Variants in NME8 observed in about 807,000 individuals in gnomAD.
NME8 encodes NME/NM23 family member 8.
NME8 carries 72 observed loss-of-function variants against 82.3 expected under a neutral mutation model. That is an observed-to-expected ratio of 0.87 (90% CI 0.72 to 1.06). The LOEUF is 1.06. Among genes scored for constraint, NME8 ranks in the 50% least tolerant of loss-of-function variants. The pLI is 0.00. For missense variants in NME8, 712 were observed against 685.4 expected (o/e 1.04, Z -0.43); for synonymous variants, 267 against 228.5 (o/e 1.17, Z -1.52).
chr7:37,863,055 G>A (rs1461673773), intron 7 of NME8, among the ~76,000 whole-genome samples: 5 of 152,082 alleles, frequency 3.3e-5, no homozygotes, highest in Non-Finnish European at 7.4e-5. Context: ...AGGAGGCAGA[G>A]ATTGCAGTGA....
chr7:37,888,337 A>G lies in NME8; in HGVS notation c.1308A>G (p.Ser436=), dbSNP rs768675977. The G allele has an allele frequency of 5.0e-6, 8 of 1,613,496 alleles. No individual in the cohort carries two copies. Among genetic ancestry groups the G allele is most frequent in the Non-Finnish European group, 5.9e-6 (7 of 1,179,522 alleles). The change falls in exon 15 of 18, where the codon TCA becomes TCG. Residue 436 remains serine, a synonymous_variant. Transcript: ENST00000199447. The part of the protein sequence containing the change: ...LPVNQLYGSD[S]LETAEREIQH... The stretch of plus-strand genomic sequence containing the variant: ...TCAACCAGTTGTATGGCAGCGATTC[A>G]TTAGAAACCGCTGAAAGGGAAATAC...
Position 37,863,462 on chromosome 7 carries a change from CG to C in NME8, c.454+1del. On this transcript the variant is annotated splice_donor_variant, in intron 8 of 17. Coordinates refer to ENST00000199447, the MANE Select transcript of NME8 (RefSeq NM_016616.5). LOFTEE classifies it high-confidence loss of function. ...TGAAGAATCACCATGTGAAAGTGTT[CG>C]TAAGTAAATTTACTTCAAAGTAATC... The C allele has an allele frequency of 1.3e-6, 2 of 1,581,226 alleles. No homozygotes were observed. The highest frequency in any genetic ancestry group is 2.2e-5 in the East Asian group (1 of 44,702).
intron 2 of NME8, among the ~76,000 whole-genome samples, chr7:37,849,916 G>T (rs1784414314): frequency 6.7e-6 from 1 of 150,184 alleles, no homozygotes; most frequent in Non-Finnish European, 1.5e-5. Context: ...CCTAGTATTT[G>T]CTAGCACAAA....
chr7:37,854,036 A>G (rs1378018378), intron 5 of NME8, among the ~76,000 whole-genome samples: 4 of 151,550 alleles, frequency 2.6e-5, no homozygotes, highest in Admixed American at 6.6e-5. Flanking sequence ...CCAATGCTGG[A>G]GTTAGGGGTG....
Position 37,892,737 on chromosome 7 carries a change from T to TTTCACATC in NME8, c.1400-1727_1400-1720dup, listed in dbSNP as rs1583645652. 2.0e-5 allele frequency among the ~76,000 whole-genome samples: 3 copies of TTTCACATC among 152,078 alleles called. No homozygotes were observed. In the East Asian group the frequency reaches 5.8e-4, roughly 29 times the overall value. ...TTGTCTTTCGTGAGTGCAGCTTTTA[T>TTTCACATC]TTCACATCTACTTATTGCTTGGCCA... On this transcript the variant is annotated intron_variant, in intron 15 of 17. Coordinates refer to ENST00000199447, the MANE Select transcript of NME8 (RefSeq NM_016616.5).
intron 5 of NME8, among the ~76,000 whole-genome samples, chr7:37,855,529 G>GT (rs35178540): frequency 0.92 from 139,390 of 152,094 alleles, 64,147 homozygotes; most frequent in Middle Eastern, 0.95. Flanking sequence ...CAAATCCCAA[G>GT]TTAGGGCACT....
chr7:37,874,345 G>A (rs1201794366), intron 11 of NME8, among the ~76,000 whole-genome samples: 1 of 152,058 alleles, frequency 6.6e-6, no homozygotes, highest in Non-Finnish European at 1.5e-5. Flanking sequence ...GGGTGTATGT[G>A]GCAAAATGGT....
rs772770591 is a variant in NME8 at position 37,884,379 on chromosome 7, A to G, written c.1071A>G (p.Glu357=). The G allele has an allele frequency of 6.2e-7, 1 of 1,606,802 alleles. No individual in the cohort carries two copies. The highest frequency in any genetic ancestry group is 2.2e-5 in the East Asian group (1 of 44,804). ...EQRQVVLSEK[E]AQALCKEYEN... ...GACAAGTAGTATTATCGGAAAAAGA[A>G]GCACAAGCACTGTGCAAGGAATATG... Residue 357 remains glutamate (E), a synonymous_variant, in exon 13 of 18, where the codon GAA becomes GAG. Transcript: ENST00000199447.
intron 15 of NME8, among the ~76,000 whole-genome samples, chr7:37,893,722 T>C (rs373553341): frequency 5.5e-4 from 84 of 152,290 alleles, no homozygotes; most frequent in African/African-American, 1.7e-3. Context: ...ATGATCACTT[T>C]CTCATGATAT....
At chr7:37,851,769 C>T (rs554052231) in intron 5 of NME8, among the ~76,000 whole-genome samples, 17 of 151,978 alleles carry the variant, frequency 1.1e-4, no homozygotes, top group Admixed American at 2.6e-4. Flanking sequence ...ACTTAAGATA[C>T]AGGAGCAGAT....
chr7:37,858,507 A>G (rs1395298334), intron 6 of NME8, among the ~76,000 whole-genome samples: 1 of 151,970 alleles, frequency 6.6e-6, no homozygotes, highest in East Asian at 1.9e-4. Context: ...AGGGCCAGGG[A>G]GTGAATAATT....
In NME8 at chr7:37,850,733, G is replaced by A. The variant is rs769884433; in HGVS notation, c.196G>A (p.Val66Ile). 2.5e-6 allele frequency: 4 copies of A among 1,606,488 alleles called. No homozygotes were observed. The highest frequency in any genetic ancestry group is 3.4e-6 in the Non-Finnish European group (4 of 1,173,516). The change falls in exon 5 of 18, where the codon GTC becomes ATC. Residue 66 changes from valine (V) to isoleucine (I), a missense_variant and splice_region_variant. Physicochemically the swap from Val to Ile is conservative, Grantham distance 29. Coordinates refer to ENST00000199447, the MANE Select transcript of NME8 (RefSeq NM_016616.5). ...CGAAGACGAAATTCTGCATTTTGCT[G>A]TCGTAAGAATTTTGTTTTCATTAAA... is the stretch of plus-strand genomic sequence containing the variant. ...LNEDEILHFA[V>I]AEADNIVTLQ... is the part of the protein sequence containing the mutation.
intron 5 of NME8, 31 bp from the exon 6 acceptor site, chr7:37,857,243 T>A: frequency 6.6e-7 from 1 of 1,506,770 alleles, no homozygotes; most frequent in South Asian, 1.1e-5. Context: ...TAGTTTTATT[T>A]ATTATTATAT....
chr7:37,861,134 T>A (rs62459332), intron 6 of NME8, among the ~76,000 whole-genome samples: 91,634 of 152,004 alleles, frequency 0.6, 28,607 homozygotes, highest in Non-Finnish European at 0.7. Flanking sequence ...ACAAACAATT[T>A]TAATCATGGT....
chr7:37,876,229 T>TATAG (rs56873287), intron 11 of NME8, among the ~76,000 whole-genome samples: 5,565 of 146,154 alleles, frequency 0.038, 137 homozygotes, highest in African/African-American at 0.069. Flanking sequence ...TATATATATA[T>TATAG]ATAGATAGAT....
At chr7:37,876,056 A>C (rs1317176992) in intron 11 of NME8, among the ~76,000 whole-genome samples, 1 of 151,708 alleles carries the variant, frequency 6.6e-6, no homozygotes, top group Non-Finnish European at 1.5e-5. Context: ...AATACAAAAA[A>C]AATATTAGCT....
chr7:37,857,923 A>G (rs2131943623), intron 6 of NME8, among the ~76,000 whole-genome samples: 1 of 152,308 alleles, frequency 6.6e-6, no homozygotes, highest in East Asian at 1.9e-4. Context: ...GAGGCCAGGC[A>G]TAGTGGCTAA....
At chr7:37,880,951 A>G (rs1784935042) in intron 12 of NME8, among the ~76,000 whole-genome samples, 2 of 152,128 alleles carry the variant, frequency 1.3e-5, no homozygotes, top group South Asian at 4.1e-4. Flanking sequence ...TGGTATATAG[A>G]AAAAAATTGA....
intron 12 of NME8, among the ~76,000 whole-genome samples, chr7:37,878,001 C>T (rs1784883429): frequency 6.6e-6 from 1 of 152,184 alleles, no homozygotes; most frequent in South Asian, 2.1e-4. Context: ...CTAGCTAGCA[C>T]ATCCTGTATG....
Sources: gnomAD v4.1 joint callset for allele counts (sites outside exome capture counted in the v4.1 genomes callset) on GRCh38, gnomAD v4.1.1 for gene constraint, MANE v1.5 for transcripts, NCBI Gene and HGNC (gene_info 2026-07-23, HGNC 2026-07-21) for gene names.